Variants in TMEM132D observed in about 807,000 individuals in gnomAD.
TMEM132D encodes the protein mature OL transmembrane protein.
Under a neutral mutation model 62.3 loss-of-function variants are expected in TMEM132D, and 21 were observed. That is an observed-to-expected ratio of 0.34 (90% CI 0.24 to 0.49). The LOEUF (loss-of-function observed/expected upper bound fraction) is 0.49, where lower values mean the gene tolerates loss of function less well. Among genes scored for constraint, TMEM132D ranks in the 20% least tolerant of loss-of-function variants. The probability of loss-of-function intolerance (pLI) is 0.99; values close to 1 mark genes in which losing one functional copy is unlikely to be tolerated. For missense variants in TMEM132D, 1,346 were observed against 1,402.8 expected, an observed-to-expected ratio of 0.96 and a Z score of 0.65; for synonymous variants, 621 against 575.6, an observed-to-expected ratio of 1.08 and a Z score of -1.13.
intron 4 of TMEM132D, among the ~76,000 whole-genome samples, chr12:129,214,422 A>C (rs1457813284): frequency 6.6e-6 from 1 of 152,218 alleles, no homozygotes; most frequent in African/African-American, 2.4e-5. Context: ...ACACTGCACA[A>C]GGGAAGCTTT....
At position 129,827,481 on chromosome 12, in the gene TMEM132D, T is replaced by G. The variant is rs1473652572; in HGVS notation, c.79+75780A>C. Among the ~76,000 whole-genome samples, 1 of 152,032 alleles carries G rather than the reference T, an allele frequency of 6.6e-6. No individual in the cohort carries two copies. Among genetic ancestry groups the G allele is most frequent in the Non-Finnish European group, 1.5e-5 (1 of 68,034 alleles). ...GTAGAATTTGCAAAATACTAATGGG[T>G]ATTTTGCAACTTTTTAACTATTTTA... On this transcript the variant is annotated intron_variant, in intron 1 of 8. Transcript: ENST00000422113. The surrounding 1 kb of genome is among the most constrained non-coding windows in gnomAD (Gnocchi z 9.7).
chr12:129,582,945 T>G (rs977560797), intron 2 of TMEM132D, among the ~76,000 whole-genome samples: 1 of 151,694 alleles, frequency 6.6e-6, no homozygotes, highest in Non-Finnish European at 1.5e-5. Flanking sequence ...TTTGTTTTGT[T>G]TTGGAGACAG....
intron 1 of TMEM132D, among the ~76,000 whole-genome samples, chr12:129,786,251 C>T (rs996409823): frequency 3.9e-5 from 6 of 152,262 alleles, no homozygotes; most frequent in South Asian, 2.1e-4. Flanking sequence ...GGCCCACATC[C>T]GACCTGCCTA....
At chr12:129,130,092 G>A (rs7972301) in intron 5 of TMEM132D, among the ~76,000 whole-genome samples, 42,301 of 150,480 alleles carry the variant, frequency 0.28, 6,241 homozygotes, top group African/African-American at 0.37. Flanking sequence ...CATTTGCTGA[G>A]GTATTTATTG....
intron 2 of TMEM132D, among the ~76,000 whole-genome samples, chr12:129,659,407 G>A (rs925587028): frequency 6.6e-6 from 1 of 152,150 alleles, no homozygotes; most frequent in Non-Finnish European, 1.5e-5. Flanking sequence ...TTCCTCAAAT[G>A]TCTGGCAGGA....
In TMEM132D at chr12:129,352,949, A is replaced by C. The variant is rs1360761536; in HGVS notation, c.1116-15132T>G. Among the ~76,000 whole-genome samples the C allele has an allele frequency of 2.0e-5, 3 of 152,090 alleles. No homozygotes were observed. In the South Asian group the frequency reaches 6.2e-4, roughly 32 times the overall value. On this transcript the variant is annotated intron_variant, in intron 3 of 8. Transcript: ENST00000422113. ...GGATTACAAATCATTCTACCACTTT[A>C]CTTTCTTAATAAACTTGCTTTTGAT...
chr12:129,702,856 C>G (rs1881415658), intron 1 of TMEM132D, among the ~76,000 whole-genome samples: 1 of 152,184 alleles, frequency 6.6e-6, no homozygotes, highest in Non-Finnish European at 1.5e-5. Flanking sequence ...TCACAAAGAG[C>G]AGATTCTGTT....
intron 5 of TMEM132D, among the ~76,000 whole-genome samples, chr12:129,197,223 T>A (rs1878573986): frequency 6.6e-6 from 1 of 152,208 alleles, no homozygotes; most frequent in South Asian, 2.1e-4. Context: ...ATATATCCAC[T>A]CTGTCACTGT....
chr12:129,624,511 C>G (rs1371999134), intron 2 of TMEM132D, among the ~76,000 whole-genome samples: 1 of 152,228 alleles, frequency 6.6e-6, no homozygotes, highest in African/African-American at 2.4e-5. Context: ...TAATGGTCAT[C>G]AGAGCTCAGC....
At chr12:129,866,407 C>A (rs1186772792) in intron 1 of TMEM132D, among the ~76,000 whole-genome samples, 1 of 137,602 alleles carries the variant, frequency 7.3e-6, no homozygotes, top group African/African-American at 2.8e-5. Context: ...AACACATGGA[C>A]ACAAGGTGGG....
chr12:129,307,960 T>G (rs11060243), intron 4 of TMEM132D, among the ~76,000 whole-genome samples: 2,155 of 152,342 alleles, frequency 0.014, 51 homozygotes, highest in African/African-American at 0.049. Context: ...AAACTTATCT[T>G]GAGACATTTC....
chr12:129,706,549 T>G (rs1455846748), intron 1 of TMEM132D, among the ~76,000 whole-genome samples: 4 of 151,912 alleles, frequency 2.6e-5, no homozygotes, highest in Non-Finnish European at 5.9e-5. Flanking sequence ...TGCTTAAATG[T>G]TACATACCTC....
chr12:129,411,353 C>A (rs1330166693), intron 3 of TMEM132D, among the ~76,000 whole-genome samples: 1 of 151,944 alleles, frequency 6.6e-6, no homozygotes, highest in Admixed American at 6.6e-5. Context: ...ATCGGTTTAG[C>A]TTTGTTTGGT....
At chr12:129,469,551 A>G (rs960074030) in intron 3 of TMEM132D, among the ~76,000 whole-genome samples, 2 of 152,218 alleles carry the variant, frequency 1.3e-5, no homozygotes, top group African/African-American at 4.8e-5. Context: ...ACAAGATAAC[A>G]CAATGTACAG....
Position 129,876,470 on chromosome 12 carries a change from T to C in TMEM132D, c.79+26791A>G, listed in dbSNP as rs114635321. 4.7e-3 allele frequency among the ~76,000 whole-genome samples: 722 copies of C among 152,342 alleles called. 6 individuals carry two copies. Among genetic ancestry groups the C allele is most frequent in the African/African-American group, 0.017 (697 of 41,574 alleles). On this transcript the variant is annotated intron_variant, in intron 1 of 8. Coordinates refer to ENST00000422113, the MANE Select transcript of TMEM132D (RefSeq NM_133448.3). The stretch of plus-strand genomic sequence containing the variant: ...TTCTCTACAGTAATCTCCACGGCTA[T>C]TACACTACCTCTTTCATGAACACAT...
At chr12:129,757,762 A>G (rs546979848) in intron 1 of TMEM132D, among the ~76,000 whole-genome samples, 5 of 152,304 alleles carry the variant, frequency 3.3e-5, no homozygotes, top group South Asian at 2.1e-4. Flanking sequence ...AAATATAATC[A>G]TGTCTCCACT....
At chr12:129,124,232 G>A (rs1324080673) in intron 5 of TMEM132D, among the ~76,000 whole-genome samples, 1 of 151,982 alleles carries the variant, frequency 6.6e-6, no homozygotes, top group Admixed American at 6.5e-5. Flanking sequence ...AAAATGACAA[G>A]CCCAGAGCTC....
intron 2 of TMEM132D, among the ~76,000 whole-genome samples, chr12:129,543,514 G>A (rs1449607401): frequency 6.6e-6 from 1 of 152,198 alleles, no homozygotes; most frequent in Non-Finnish European, 1.5e-5. Context: ...ACTCTACCTA[G>A]TGAACATCAG....
chr12:129,230,308 G>GGGC (rs150963704), intron 4 of TMEM132D, among the ~76,000 whole-genome samples: 9 of 91,606 alleles, frequency 9.8e-5, no homozygotes, highest in South Asian at 5.7e-4. Flanking sequence ...CTGTGTTGGA[G>GGGC]GGGGGGGGCT....
Sources: allele counts gnomAD v4.1 joint callset (sites outside exome capture counted in the v4.1 genomes callset), GRCh38; gene constraint gnomAD v4.1.1; non-coding constraint Gnocchi (gnomAD v3.1); transcripts MANE v1.5; gene names NCBI Gene and HGNC (gene_info 2026-07-23, HGNC 2026-07-21).